TRPM3: variants seen among roughly 807,000 people sequenced by gnomAD.
TRPM3 encodes the protein transient receptor potential cation channel subfamily M member 3.
In TRPM3, 77 loss-of-function variants were observed where a neutral mutation model predicts 181.2. The ratio of observed to expected loss-of-function variants is 0.42; its 90% CI spans 0.35 to 0.51. TRPM3 has a LOEUF of 0.51. TRPM3 is among the 20% of genes least tolerant of loss of function. The probability of loss-of-function intolerance (pLI) is 0.01; values close to 1 mark genes in which losing one functional copy is unlikely to be tolerated. For missense variants in TRPM3, 1,759 were observed against 2,196.7 expected (o/e 0.80, Z 3.98); for synonymous variants, 745 against 796.4 (o/e 0.94, Z 1.09).
At chr9:70,905,285 C>T (rs1003880847) in intron 1 of TRPM3, among the ~76,000 whole-genome samples, 8 of 152,196 alleles carry the variant, frequency 5.3e-5, no homozygotes, top group African/African-American at 7.2e-5. Flanking sequence ...ACCAAATACA[C>T]ATTGACATAT....
At chr9:70,697,963 T>C (rs1437159483) in intron 8 of TRPM3, among the ~76,000 whole-genome samples, 3 of 152,156 alleles carry the variant, frequency 2.0e-5, no homozygotes, top group Non-Finnish European at 2.9e-5. Context: ...ATCCCAGCAC[T>C]TCGGGAGGCC....
chr9:71,401,568 C>G (rs1367865700), intron 1 of TRPM3, among the ~76,000 whole-genome samples: 1 of 152,018 alleles, frequency 6.6e-6, no homozygotes, highest in African/African-American at 2.4e-5. Context: ...AAGAACTTAC[C>G]CTTGATGAGG....
intron 1 of TRPM3, among the ~76,000 whole-genome samples, chr9:71,420,985 AAAAG>A (rs2093756359): frequency 1.0e-5 from 1 of 99,704 alleles, no homozygotes; most frequent in African/African-American, 4.7e-5. Flanking sequence ...AAGAGAGAGA[AAAAG>A]AGAGAGAAAA....
intron 1 of TRPM3, among the ~76,000 whole-genome samples, chr9:70,910,867 A>G (rs1297696928): frequency 5.3e-5 from 8 of 152,192 alleles, no homozygotes; most frequent in Non-Finnish European, 7.3e-5. Context: ...AAGGGAATAT[A>G]TGGCTTTCAA....
chr9:70,764,984 T>G (rs2078830251), intron 7 of TRPM3, among the ~76,000 whole-genome samples: 1 of 152,224 alleles, frequency 6.6e-6, no homozygotes, highest in South Asian at 2.1e-4. Context: ...ATTTGATGTG[T>G]CTGTAGCACG....
At chr9:70,664,824 C>T (rs2061624864) in intron 9 of TRPM3, among the ~76,000 whole-genome samples, 1 of 151,774 alleles carries the variant, frequency 6.6e-6, no homozygotes, top group African/African-American at 2.4e-5. Context: ...CTAATCTTTG[C>T]ATTTTTAGTA....
At chr9:71,155,310 G>T (rs758783862) in intron 1 of TRPM3, among the ~76,000 whole-genome samples, 9 of 151,708 alleles carry the variant, frequency 5.9e-5, no homozygotes, top group Middle Eastern at 3.4e-3. Flanking sequence ...ATATGCCAAA[G>T]TTCCTATCTT....
At chr9:70,958,156 C>T (rs919541003) in intron 1 of TRPM3, among the ~76,000 whole-genome samples, 2 of 152,054 alleles carry the variant, frequency 1.3e-5, no homozygotes, top group African/African-American at 4.8e-5. Context: ...ATCAGCAACC[C>T]CAGGGCAGTG....
At chr9:70,629,215 C>CGGGGTGG (rs1491529368) in intron 12 of TRPM3, among the ~76,000 whole-genome samples, 1 of 10,174 alleles carries the variant, frequency 9.8e-5, no homozygotes, top group African/African-American at 2.0e-4. Context: ...TGACCAGTGC[C>CGGGGTGG]GGGGGGGGGG....
At position 70,532,151 on chromosome 9, in the gene TRPM3, T is replaced by C. The variant is rs1015597913; in HGVS notation, c.*3802A>G. On this transcript the variant is annotated 3_prime_UTR_variant, in exon 26 of 26. Transcript: ENST00000677713. ...GGTATAGCCTATAGATAGAGCATGA[T>C]GGATGACCGGGTAATATTTATCATC... The C allele has an allele frequency of 6.6e-6, 1 of 152,208 alleles. No homozygotes were observed. The highest frequency in any genetic ancestry group is 1.5e-5 in the Non-Finnish European group (1 of 68,022). The allele number at this position is 152,208 out of a possible 1,614,324, so 9.4% of individuals were successfully genotyped here. A position where few individuals can be genotyped will look rare whatever the true frequency, so the allele number is the denominator to read the frequency against.
At chr9:71,001,230 C>A (rs1193138034) in intron 1 of TRPM3, among the ~76,000 whole-genome samples, 2 of 152,118 alleles carry the variant, frequency 1.3e-5, no homozygotes, top group African/African-American at 2.4e-5. Context: ...GCCCAGGAAC[C>A]CTTGGGTCTG....
chr9:71,268,629 A>T lies in TRPM3; in HGVS notation c.183+178024T>A, dbSNP rs557189444. ...CACCTGAGGTCAGGAGTTCAAGACC[A>T]GCCTTGCCAACATGGTGAAACCGTT... On this transcript the variant is annotated intron_variant, in intron 1 of 24. Coordinates refer to the TRPM3 transcript ENST00000357533. Among the ~76,000 whole-genome samples, 4 of 152,166 alleles carry T rather than the reference A, an allele frequency of 2.6e-5. No homozygotes were observed. In the East Asian group the frequency reaches 7.8e-4, roughly 30 times the overall value.
intron 6 of TRPM3, among the ~76,000 whole-genome samples, chr9:70,818,101 TA>T (rs1408315447): frequency 6.6e-6 from 1 of 152,202 alleles, no homozygotes; most frequent in African/African-American, 2.4e-5. Context: ...GCTCGCTAGA[TA>T]ACCTCTGTCA....
chr9:71,117,633 G>A (rs954123035), intron 1 of TRPM3, among the ~76,000 whole-genome samples: 3 of 151,990 alleles, frequency 2.0e-5, no homozygotes, highest in African/African-American at 7.2e-5. Flanking sequence ...AGCTGGTTAG[G>A]AACACAGTGG....
At chr9:70,668,664 C>CAAAAAAAAA (rs1466148469) in intron 9 of TRPM3, among the ~76,000 whole-genome samples, 1 of 24,326 alleles carries the variant, frequency 4.1e-5, no homozygotes. Flanking sequence ...GACTCCGTCT[C>CAAAAAAAAA]AAAAAAAGAA....
chr9:70,661,300 A>C (rs1468788407), intron 9 of TRPM3, among the ~76,000 whole-genome samples: 1 of 152,090 alleles, frequency 6.6e-6, no homozygotes, highest in Admixed American at 6.6e-5. Flanking sequence ...AAAGTAATAA[A>C]AGCCATATCT....
Position 70,822,930 on chromosome 9 carries a change from C to T in TRPM3, c.973+4917G>A, listed in dbSNP as rs541668250. Among the ~76,000 whole-genome samples, 5 of 152,104 alleles carry T rather than the reference C, an allele frequency of 3.3e-5. No individual in the cohort carries two copies. The South Asian group carries it at 1.0e-3, about 32-fold the overall frequency. Reference sequence around the variant, plus strand: ...CCCACCTTGATAATCTAGCAAGGGCCCGGTGTTTTCATGAATGGGATGTGA... The same window carrying T: ...CCCACCTTGATAATCTAGCAAGGGCTCGGTGTTTTCATGAATGGGATGTGA... On this transcript the variant is annotated intron_variant, in intron 6 of 25. Transcript: ENST00000677713.
At position 70,616,384 on chromosome 9, in the gene TRPM3, A is replaced by C. The variant is rs1161040119; in HGVS notation, c.2359-309T>G. The stretch of plus-strand genomic sequence containing the variant: ...CTTACCCAATTAACACCCACTTTGC[A>C]TGTGGGTAACAGAGGAAAGAGAGAC... On this transcript the variant is annotated intron_variant, in intron 17 of 25. Coordinates refer to ENST00000677713, the MANE Select transcript of TRPM3 (RefSeq NM_001366145.2). Among the ~76,000 whole-genome samples the C allele has an allele frequency of 3.3e-5, 5 of 152,266 alleles. No homozygotes were observed. The East Asian group carries it at 9.7e-4, about 29-fold the overall frequency.
At chr9:70,916,035 T>A (rs565343008) in intron 1 of TRPM3, among the ~76,000 whole-genome samples, 182 of 152,312 alleles carry the variant, frequency 1.2e-3, no homozygotes, top group African/African-American at 4.0e-3. Flanking sequence ...CTCCAATATG[T>A]CTAGCAGGAG....
Sources: allele counts gnomAD v4.1 joint callset (sites outside exome capture counted in the v4.1 genomes callset), GRCh38; gene constraint gnomAD v4.1.1; transcripts MANE v1.5; gene names NCBI Gene and HGNC (gene_info 2026-07-23, HGNC 2026-07-21).